BRWD3: variants seen among roughly 807,000 people sequenced by gnomAD.
The protein encoded by BRWD3 is bromodomain and WD repeat-containing protein 3.
A neutral mutation model predicts 149.7 loss-of-function variants in BRWD3; 10 were observed. The ratio of observed to expected loss-of-function variants is 0.07; its 90% CI spans 0.04 to 0.11. The LOEUF is 0.11. Among genes scored for constraint, BRWD3 ranks in the 10% least tolerant of loss-of-function variants. The probability of loss-of-function intolerance (pLI) is 1.00; values close to 1 mark genes in which losing one functional copy is unlikely to be tolerated. For synonymous variants in BRWD3, 504 were observed against 456.7 expected (o/e 1.10, Z -1.32); for missense variants, 940 against 1,373.2 (o/e 0.68, Z 4.99).
At chrX:80,728,459 C>T (rs1463396588) in intron 14 of BRWD3, among the ~76,000 whole-genome samples, 1 of 111,218 alleles carries the variant, frequency 9.0e-6, no homozygotes, top group Non-Finnish European at 1.9e-5. Context: ...GAAAAAATGC[C>T]AACCCCTGCT....
Position 80,682,641 on chromosome X carries a change from A to C in BRWD3, c.4234-13T>G, listed in dbSNP as rs1388453938. 1 of 1,200,296 alleles carries C rather than the reference A, an allele frequency of 8.3e-7. No homozygotes were observed. The highest frequency in any genetic ancestry group is 1.8e-5 in the South Asian group (1 of 56,764). On this transcript the variant is annotated splice_polypyrimidine_tract_variant and intron_variant, in intron 37 of 40. Transcript: ENST00000373275. ...TCATGCTATAGATCTGAGAAGGCAG[A>C]AATTATATAGTCTTAACTAGTTTTA...
intron 27 of BRWD3, 121 bp downstream of exon 27, chrX:80,695,787 A>T: frequency 1.8e-6 from 1 of 560,363 alleles, no homozygotes; most frequent in Non-Finnish European, 2.9e-6. Flanking sequence ...TAAGTTTTCT[A>T]GTTTCTCTGG....
chrX:80,753,208 T>C (rs1384794350), intron 6 of BRWD3, among the ~76,000 whole-genome samples: 1 of 111,127 alleles, frequency 9.0e-6, no homozygotes, highest in Non-Finnish European at 1.9e-5. Flanking sequence ...ATAAGCTTTT[T>C]AGTACTTTAG....
chrX:80,744,188 A>C lies in BRWD3; in HGVS notation c.657T>G (p.Arg219=), dbSNP rs771475202. Residue 219 remains arginine, a synonymous_variant, in exon 8 of 41, where the codon CGT becomes CGG. Coordinates refer to ENST00000373275, the MANE Select transcript of BRWD3 (RefSeq NM_153252.5). ...TDDGRLLATL[R]GHSAEISDMA... ...TGTCAGAAATTTCAGCAGAGTGTCC[A>C]CGAAGTGTAGCAAGAAGGCGTCCAT... 7 of 1,210,045 alleles carry C rather than the reference A, an allele frequency of 5.8e-6. No individual in the cohort carries two copies. In the Admixed American group the frequency reaches 1.5e-4, roughly 26 times the overall value.
chrX:80,759,282 A>C (rs1260172626), intron 6 of BRWD3, among the ~76,000 whole-genome samples: 5 of 112,147 alleles, frequency 4.5e-5, no homozygotes, highest in African/African-American at 1.6e-4. Context: ...TCTGGGGTTA[A>C]AGCTGAGTTC....
chrX:80,682,034 T>C lies in BRWD3; in HGVS notation c.4458A>G (p.Val1486=), dbSNP rs771549282. The stretch of plus-strand genomic sequence containing the variant: ...AAGGAGAGCTAGTCCTGGCATGAGA[T>C]ACTGAGGTATTCTGGTCATTTTTAG... ...LQPKNDQNTS[V]SHARTSSPFS... Residue 1486 remains valine, a synonymous_variant, in exon 39 of 41, where the codon GTA becomes GTG. Coordinates refer to ENST00000373275, the MANE Select transcript of BRWD3 (RefSeq NM_153252.5). 1.4e-5 allele frequency: 17 copies of C among 1,209,712 alleles called. No individual in the cohort carries two copies. The highest frequency in any genetic ancestry group is 1.9e-5 in the Non-Finnish European group (17 of 893,979).
At chrX:80,785,806 T>C (rs1300934673) in intron 6 of BRWD3, among the ~76,000 whole-genome samples, 1 of 112,354 alleles carries the variant, frequency 8.9e-6, no homozygotes, top group East Asian at 2.8e-4. Context: ...GGCAGGCAGA[T>C]GACCTGGGAT....
At chrX:80,761,357 T>C (rs748841794) in intron 6 of BRWD3, among the ~76,000 whole-genome samples, 2 of 111,867 alleles carry the variant, frequency 1.8e-5, no homozygotes, top group South Asian at 7.4e-4. Flanking sequence ...CCTTCTATTA[T>C]CTTCATGCAT....
chrX:80,754,202 G>A, intron 6 of BRWD3, among the ~76,000 whole-genome samples: 1 of 111,881 alleles, frequency 8.9e-6, no homozygotes, highest in African/African-American at 3.2e-5. Context: ...TAAGTGTTCT[G>A]TAGTTTTCTA....
chrX:80,762,973 T>C (rs1320243449), intron 6 of BRWD3, among the ~76,000 whole-genome samples: 1 of 110,807 alleles, frequency 9.0e-6, no homozygotes, highest in Non-Finnish European at 1.9e-5. Flanking sequence ...GCCTGGCGAC[T>C]CTAAGGAATA....
At chrX:80,684,270 T>G (rs2072492496) in intron 36 of BRWD3, 108 bp from the exon 37 acceptor site, 1 of 714,974 alleles carries the variant, frequency 1.4e-6, no homozygotes, top group Non-Finnish European at 2.1e-6. Flanking sequence ...AACACATTGC[T>G]TTTCAATGTG....
chrX:80,696,064 T>A, intron 26 of BRWD3, 74 bp from the exon 27 acceptor site: 1 of 942,032 alleles, frequency 1.1e-6, no homozygotes, highest in Non-Finnish European at 1.5e-6. Context: ...TCCAAGGATA[T>A]ATGTTTATTG....
chrX:80,764,268 A>G (rs2073833393), intron 6 of BRWD3, among the ~76,000 whole-genome samples: 1 of 111,948 alleles, frequency 8.9e-6, no homozygotes, highest in Admixed American at 9.4e-5. Flanking sequence ...GTTTAGAAAA[A>G]AAGACATGGG....
At chrX:80,805,190 T>C (rs1185746993) in intron 4 of BRWD3, among the ~76,000 whole-genome samples, 1 of 111,462 alleles carries the variant, frequency 9.0e-6, no homozygotes, top group Non-Finnish European at 1.9e-5. Flanking sequence ...AATATGTAAT[T>C]TAGTATAAAC....
At chrX:80,743,468 A>G (rs1273603156) in intron 8 of BRWD3, among the ~76,000 whole-genome samples, 3 of 111,781 alleles carry the variant, frequency 2.7e-5, no homozygotes, top group Non-Finnish European at 5.6e-5. Context: ...TTCAGAAGGA[A>G]TGGTACCAGC....
intron 8 of BRWD3, among the ~76,000 whole-genome samples, chrX:80,740,877 G>A (rs1406492923): frequency 4.5e-5 from 5 of 111,195 alleles, no homozygotes; most frequent in Non-Finnish European, 7.6e-5. Flanking sequence ...ATTAATACAA[G>A]GTATGCCAAT....
At chrX:80,768,521 A>G (rs1466573269) in intron 6 of BRWD3, among the ~76,000 whole-genome samples, 2 of 111,497 alleles carry the variant, frequency 1.8e-5, no homozygotes, top group Non-Finnish European at 3.8e-5. Flanking sequence ...TTTACAGACA[A>G]GCAAACGCTG....
At chrX:80,706,638 C>A (rs2072870292) in intron 22 of BRWD3, among the ~76,000 whole-genome samples, 1 of 111,946 alleles carries the variant, frequency 8.9e-6, no homozygotes, top group South Asian at 3.7e-4. Context: ...GATAATAATG[C>A]CTTCTTCTGG....
chrX:80,729,144 T>A (rs2073291093), intron 13 of BRWD3, among the ~76,000 whole-genome samples: 1 of 111,520 alleles, frequency 9.0e-6, no homozygotes, highest in Non-Finnish European at 1.9e-5. Flanking sequence ...TGGTAAATAG[T>A]TCCTTGAGAA....
Sources: gnomAD v4.1 joint callset for allele counts (sites outside exome capture counted in the v4.1 genomes callset) on GRCh38, gnomAD v4.1.1 for gene constraint, MANE v1.5 for transcripts, NCBI Gene and HGNC (gene_info 2026-07-23, HGNC 2026-07-21) for gene names.